Variants in POF1B observed in about 807,000 individuals in gnomAD.
POF1B encodes protein POF1B.
A neutral mutation model predicts 55.3 loss-of-function variants in POF1B; 53 were observed. The ratio of observed to expected loss-of-function variants is 0.96; its 90% confidence interval spans 0.77 to 1.20. The LOEUF (loss-of-function observed/expected upper bound fraction) is 1.20, where lower values mean the gene tolerates loss of function less well. Ranked by LOEUF, POF1B falls within the 50% of genes most tolerant of loss-of-function variation. POF1B has a pLI of 0.00. For synonymous variants in POF1B, 188 were observed against 148.3 expected (o/e 1.27, Z -1.95); for missense variants, 478 against 420.5 (o/e 1.14, Z -1.20).
intron 15 of POF1B, among the ~76,000 whole-genome samples, chrX:85,293,971 C>CAA (rs200802802): frequency 5.1e-5 from 4 of 78,658 alleles, no homozygotes; most frequent in Non-Finnish European, 7.3e-5. Flanking sequence ...AAGACTCTGT[C>CAA]AAAAAAAAAA....
Position 85,279,296 on chromosome X carries a change from G to T in POF1B, c.*125C>A. 1.5e-6 allele frequency: 1 copy of T among 652,842 alleles called. No homozygotes were observed. Among genetic ancestry groups the T allele is most frequent in the Non-Finnish European group, 2.4e-6 (1 of 424,135 alleles). 53.8% of individuals were successfully genotyped at this position (652,842 alleles called of 1,213,427 possible). ...ACTAATTCATTCCATTAGATTTCTT[G>T]GGTAGCAGCATGGTTCCAAATTCTG... On this transcript the variant is annotated 3_prime_UTR_variant, in exon 17 of 17. Transcript: ENST00000262753.
chrX:85,317,970 C>G (rs1210292069), intron 7 of POF1B, among the ~76,000 whole-genome samples: 4 of 111,606 alleles, frequency 3.6e-5, no homozygotes, highest in Non-Finnish European at 7.5e-5. Flanking sequence ...AACACAGGAA[C>G]AGAAAACCAA....
At chrX:85,302,954 G>A (rs1397431751) in intron 15 of POF1B, among the ~76,000 whole-genome samples, 1 of 111,512 alleles carries the variant, frequency 9.0e-6, no homozygotes, top group Non-Finnish European at 1.9e-5. Flanking sequence ...GCTACCGTGA[G>A]GGTAGACCTT....
In POF1B at chrX:85,315,791, T is replaced by A. The variant is rs363767; in HGVS notation, c.855-57A>T. The A allele has an allele frequency of 7.8e-6, 7 of 901,282 alleles. No individual in the cohort carries two copies. In the East Asian group the frequency reaches 2.0e-4, roughly 26 times the overall value. The allele number at this position is 901,282 out of a possible 1,213,427, so 74.3% of individuals were successfully genotyped here. On this transcript the variant is annotated intron_variant, in intron 7 of 16. Coordinates refer to ENST00000262753, the MANE Select transcript of POF1B (RefSeq NM_024921.4). ...TAGGAAAAGGTATTCACTGATCATA[T>A]ATAAATGCTAGTTTTCTATTAATTT...
intron 3 of POF1B, among the ~76,000 whole-genome samples, chrX:85,364,253 C>G (rs111589434): frequency 0.06 from 6,592 of 110,728 alleles, 452 homozygotes; most frequent in African/African-American, 0.19. Flanking sequence ...TTACATTCAA[C>G]TTTGGTATTG....
At chrX:85,292,743 A>G (rs1428807200) in intron 15 of POF1B, among the ~76,000 whole-genome samples, 1 of 111,255 alleles carries the variant, frequency 9.0e-6, no homozygotes, top group Non-Finnish European at 1.9e-5. Context: ...CAGACAACCT[A>G]CAGAATGGAC....
chrX:85,282,036 A>C lies in POF1B; in HGVS notation c.1764+167T>G, dbSNP rs901618024. On this transcript the variant is annotated intron_variant, in intron 16 of 16. Coordinates refer to ENST00000262753, the MANE Select transcript of POF1B (RefSeq NM_024921.4). ...AATCAATTATATTGCCACATGTATG[A>C]ATCTTTCCAAAATTTGTTAATTCCC... 8.0e-6 allele frequency: 4 copies of C among 501,086 alleles called. No individual in the cohort carries two copies. The African/African-American group carries it at 1.0e-4, about 13-fold the overall frequency. 41.3% of individuals were successfully genotyped at this position (501,086 alleles called of 1,213,427 possible). A position where few individuals can be genotyped will look rare whatever the true frequency, so the allele number is the denominator to read the frequency against.
At chrX:85,324,087 T>G (rs1321109476) in intron 7 of POF1B, among the ~76,000 whole-genome samples, 3 of 111,996 alleles carry the variant, frequency 2.7e-5, no homozygotes, top group African/African-American at 6.5e-5. Context: ...ATTGTAGTTG[T>G]TGTTATTTCA....
chrX:85,282,413 A>G lies in POF1B; in HGVS notation c.1650-96T>C, dbSNP rs771132765. The G allele has an allele frequency of 3.9e-5, 20 of 515,447 alleles. No homozygotes were observed. The South Asian group carries it at 1.4e-3, about 35-fold the overall frequency. 42.5% of individuals were successfully genotyped at this position (515,447 alleles called of 1,213,427 possible). A position where few individuals can be genotyped will look rare whatever the true frequency, so the allele number is the denominator to read the frequency against. On this transcript the variant is annotated intron_variant, in intron 15 of 16. Coordinates refer to ENST00000262753, the MANE Select transcript of POF1B (RefSeq NM_024921.4). ...TAGTTTGATTGCCCTAATTAAGCCA[A>G]TTCGGCTCTGAATGACTTTTTAACT...
intron 16 of POF1B, among the ~76,000 whole-genome samples, chrX:85,280,565 C>T (rs1931873633): frequency 9.0e-6 from 1 of 111,434 alleles, no homozygotes; most frequent in South Asian, 3.7e-4. Context: ...ATCCATCCCA[C>T]AAGGATAACC....
chrX:85,333,304 A>G lies in POF1B; in HGVS notation c.724-2225T>C, dbSNP rs1246403285. ...CTATGCCAGCCAACAAGCTAATTCA[A>G]TTCAGCTCTTTGTGCTCAATTATTT... On this transcript the variant is annotated intron_variant, in intron 6 of 16. Coordinates refer to ENST00000262753, the MANE Select transcript of POF1B (RefSeq NM_024921.4). Among the ~76,000 whole-genome samples the G allele has an allele frequency of 8.1e-5, 9 of 111,299 alleles. No homozygotes were observed. The East Asian group carries it at 2.3e-3, about 28-fold the overall frequency.
chrX:85,306,733 G>C (rs938960602), intron 11 of POF1B, among the ~76,000 whole-genome samples: 1 of 111,304 alleles, frequency 9.0e-6, no homozygotes, highest in Admixed American at 9.5e-5. Context: ...GTAATCCTTA[G>C]AGACTACTTA....
chrX:85,367,792 C>T, intron 2 of POF1B, 26 bp from the exon 3 acceptor site: 1 of 985,187 alleles, frequency 1.0e-6, no homozygotes, highest in Non-Finnish European at 1.4e-6. Flanking sequence ...AAAGGGAGTT[C>T]AGAAATTATT....
chrX:85,347,406 C>G (rs1373134109), intron 5 of POF1B, among the ~76,000 whole-genome samples: 1 of 110,968 alleles, frequency 9.0e-6, no homozygotes, highest in Non-Finnish European at 1.9e-5. Flanking sequence ...ATAGTATACT[C>G]TTTCTGCTGT....
intron 5 of POF1B, among the ~76,000 whole-genome samples, chrX:85,346,280 A>C (rs1933270394): frequency 9.1e-6 from 1 of 110,112 alleles, no homozygotes; most frequent in South Asian, 3.8e-4. Flanking sequence ...TAGATTGGCC[A>C]AGGCATTGCA....
In POF1B at chrX:85,332,199, C is replaced by A. The variant is rs143204522; in HGVS notation, c.724-1120G>T. Among the ~76,000 whole-genome samples, 1,028 of 111,621 alleles carry A rather than the reference C, an allele frequency of 9.2e-3. 14 individuals carry two copies. Among genetic ancestry groups the A allele is most frequent in the African/African-American group, 0.03 (936 of 30,865 alleles). On this transcript the variant is annotated intron_variant, in intron 6 of 16. Transcript: ENST00000262753. ...TTAGTATATCTTAAAGGTAGATAAA[C>A]CTACTCAATTCAATGTGTTTTAACG...
chrX:85,284,098 C>T (rs1455059065), intron 15 of POF1B, among the ~76,000 whole-genome samples: 4 of 110,759 alleles, frequency 3.6e-5, no homozygotes, highest in Non-Finnish European at 5.7e-5. Context: ...ATCCAACTTA[C>T]AAGAGATGTG....
chrX:85,307,099 G>T, intron 11 of POF1B, 64 bp downstream of exon 11: 1 of 823,460 alleles, frequency 1.2e-6, no homozygotes, highest in Non-Finnish European at 1.8e-6. Flanking sequence ...ACTCCAATGT[G>T]CCAGTAATTG....
At chrX:85,352,482 T>G (rs1165831920) in intron 4 of POF1B, among the ~76,000 whole-genome samples, 1 of 111,507 alleles carries the variant, frequency 9.0e-6, no homozygotes, top group African/African-American at 3.2e-5. Context: ...AAAGGCAAGA[T>G]GCTCTTGAAT....
Sources: allele counts gnomAD v4.1 joint callset (sites outside exome capture counted in the v4.1 genomes callset), GRCh38; gene constraint gnomAD v4.1.1; transcripts MANE v1.5; gene names NCBI Gene and HGNC (gene_info 2026-07-23, HGNC 2026-07-21).